The following THEMIS variants were observed in gnomAD, a reference collection of about 807,000 sequenced individuals.
THEMIS encodes protein THEMIS.
Under a neutral mutation model 52.6 loss-of-function variants are expected in THEMIS, and 37 were observed. The observed-to-expected ratio is 0.70, with a 90% confidence interval of 0.54 to 0.93. THEMIS has a LOEUF of 0.93. Among genes scored for constraint, THEMIS ranks in the 40% least tolerant of loss-of-function variants. THEMIS has a pLI of 0.00. For missense variants in THEMIS, 808 were observed against 763.1 expected, an observed-to-expected ratio of 1.06 and a Z score of -0.69; for synonymous variants, 292 against 272.7, an observed-to-expected ratio of 1.07 and a Z score of -0.70.
chr6:127,756,455 T>C (rs776071573), intron 4 of THEMIS, among the ~76,000 whole-genome samples: 16 of 152,156 alleles, frequency 1.1e-4, no homozygotes, highest in Non-Finnish European at 2.2e-4. Context: ...AGGATAATAA[T>C]AAAGTGATGA....
At chr6:127,837,062 G>A (rs1292980062) in intron 2 of THEMIS, among the ~76,000 whole-genome samples, 2 of 152,076 alleles carry the variant, frequency 1.3e-5, no homozygotes, top group African/African-American at 2.4e-5. Context: ...ACAAATTGGG[G>A]TTTTCCAAGG....
chr6:127,753,313 C>T (rs967294019), intron 4 of THEMIS, among the ~76,000 whole-genome samples: 2 of 151,858 alleles, frequency 1.3e-5, no homozygotes, highest in Non-Finnish European at 2.9e-5. Flanking sequence ...TCAGTAAATA[C>T]GTGGATACAA....
intron 4 of THEMIS, among the ~76,000 whole-genome samples, chr6:127,792,622 G>A (rs1420825633): frequency 3.9e-5 from 6 of 152,152 alleles, no homozygotes; most frequent in Non-Finnish European, 8.8e-5. Context: ...ACCATTCCCT[G>A]AAAAACTCAT....
chr6:127,828,822 C>T (rs977590170), intron 3 of THEMIS, among the ~76,000 whole-genome samples: 5 of 152,120 alleles, frequency 3.3e-5, no homozygotes, highest in East Asian at 1.9e-4. Context: ...AACATGGTGG[C>T]GGGTGCCTGT....
At position 127,725,629 on chromosome 6, in the gene THEMIS, G is replaced by A. The variant is rs548562751; in HGVS notation, c.1759-5806C>T. 2.0e-3 allele frequency among the ~76,000 whole-genome samples: 302 copies of A among 152,208 alleles called. 2 individuals carry two copies. The highest frequency in any genetic ancestry group is 7.0e-3 in the African/African-American group (290 of 41,544). ...TTTTTAAAAAGCAAGAATGTAAACT[G>A]TGAAAAATAATCTAAAACTGATCAT... is the stretch of plus-strand genomic sequence containing the variant. On this transcript the variant is annotated intron_variant, in intron 4 of 5. Transcript: ENST00000368248.
At chr6:127,725,085 T>C (rs1285708097) in intron 4 of THEMIS, among the ~76,000 whole-genome samples, 5 of 152,032 alleles carry the variant, frequency 3.3e-5, no homozygotes, top group Admixed American at 6.6e-5. Flanking sequence ...TCCTAGATAA[T>C]GTACTTTACT....
chr6:127,753,283 G>A (rs997842520), intron 4 of THEMIS, among the ~76,000 whole-genome samples: 28 of 151,938 alleles, frequency 1.8e-4, no homozygotes, highest in African/African-American at 6.3e-4. Flanking sequence ...TTAAAACACT[G>A]TTAGAACTAG....
At chr6:127,892,921 G>A (rs1583403368) in intron 1 of THEMIS, among the ~76,000 whole-genome samples, 1 of 152,010 alleles carries the variant, frequency 6.6e-6, no homozygotes, top group East Asian at 1.9e-4. Flanking sequence ...ATATTAGTAT[G>A]GTATGTGAAC....
intron 1 of THEMIS, among the ~76,000 whole-genome samples, chr6:127,894,366 G>A (rs1780900722): frequency 6.6e-6 from 1 of 151,750 alleles, no homozygotes; most frequent in Middle Eastern, 3.4e-3. Context: ...TTAATTAAAA[G>A]CAAAAGGATA....
intron 1 of THEMIS, chr6:127,868,393 A>G (rs1780050463): frequency 3.1e-6 from 3 of 980,982 alleles, no homozygotes; most frequent in Non-Finnish European, 3.6e-6. Context: ...TTCTTTGCCA[A>G]TATTTCTGAG....
At position 127,719,836 on chromosome 6, in the gene THEMIS, A is replaced by G. The variant is rs1774304037; in HGVS notation, c.1759-13T>C. ...CTACGTGATGACGCTGAAATGACAC[A>G]GGTCACAAGTAAATTATCAGTCCAA... On this transcript the variant is annotated splice_polypyrimidine_tract_variant and intron_variant, in intron 4 of 5. Coordinates refer to ENST00000368248, the MANE Select transcript of THEMIS (RefSeq NM_001010923.3). The G allele has an allele frequency of 6.2e-7, 1 of 1,609,756 alleles. No individual in the cohort carries two copies. The highest frequency in any genetic ancestry group is 2.2e-5 in the East Asian group (1 of 44,728).
chr6:127,909,420 A>C (rs1160438883), intron 1 of THEMIS, among the ~76,000 whole-genome samples: 2 of 152,038 alleles, frequency 1.3e-5, no homozygotes, highest in Non-Finnish European at 2.9e-5. Flanking sequence ...ACGAGATCTG[A>C]TGGTTTTATA....
intron 1 of THEMIS, among the ~76,000 whole-genome samples, chr6:127,917,102 G>C (rs802716): frequency 0.64 from 96,604 of 152,098 alleles, 30,952 homozygotes; most frequent in South Asian, 0.73. Flanking sequence ...GCTTTTAAGA[G>C]TTGTATTTCC....
intron 4 of THEMIS, among the ~76,000 whole-genome samples, chr6:127,779,335 A>T (rs1202057787): frequency 1.3e-5 from 2 of 152,058 alleles, no homozygotes; most frequent in East Asian, 3.9e-4. Flanking sequence ...ACCTCCTCAA[A>T]TCTCTCAGTG....
chr6:127,725,321 CTA>C (rs890742813), intron 4 of THEMIS, among the ~76,000 whole-genome samples: 67 of 152,118 alleles, frequency 4.4e-4, no homozygotes, highest in African/African-American at 1.6e-3. Context: ...AATTCAGAGA[CTA>C]TACATAAATA....
chr6:127,773,505 C>CTACTACA (rs1255765718), intron 4 of THEMIS, among the ~76,000 whole-genome samples: 1 of 152,136 alleles, frequency 6.6e-6, no homozygotes, highest in Non-Finnish European at 1.5e-5. Context: ...GACTGATAAG[C>CTACTACA]TACTACATAT....
intron 4 of THEMIS, among the ~76,000 whole-genome samples, chr6:127,783,777 C>A (rs1776829292): frequency 6.6e-6 from 1 of 152,174 alleles, no homozygotes; most frequent in Non-Finnish European, 1.5e-5. Context: ...AACACTGTTA[C>A]ACTGTTGTTG....
At chr6:127,814,340 T>G (rs549353009) in intron 3 of THEMIS, among the ~76,000 whole-genome samples, 1 of 152,324 alleles carries the variant, frequency 6.6e-6, no homozygotes, top group South Asian at 2.1e-4. Flanking sequence ...GTTCATAAAT[T>G]TTATATGAAG....
chr6:127,699,227 G>A, the THEMIS span, among the ~76,000 whole-genome samples: 1 of 151,706 alleles, frequency 6.6e-6, no homozygotes, highest in Non-Finnish European at 1.5e-5. Context: ...TCTCATCACA[G>A]TAAATCTGTC....
Sources: gnomAD v4.1 joint callset for allele counts (sites outside exome capture counted in the v4.1 genomes callset) on GRCh38, gnomAD v4.1.1 for gene constraint, MANE v1.5 for transcripts, NCBI Gene and HGNC (gene_info 2026-07-23, HGNC 2026-07-21) for gene names.